MUC22: variants seen among roughly 807,000 people sequenced by gnomAD.
MUC22 encodes mucin-22.
MUC22 carries 24 observed loss-of-function variants against 40.3 expected under a neutral mutation model. The ratio of observed to expected loss-of-function variants is 0.60; its 90% CI spans 0.43 to 0.84. The LOEUF (loss-of-function observed/expected upper bound fraction) is 0.84. Ranked by LOEUF, MUC22 falls within the 40% of genes least tolerant of loss-of-function variation. MUC22 has a pLI of 0.00. For missense variants in MUC22, 1,926 were observed against 2,130.7 expected, an observed-to-expected ratio of 0.90 and a Z score of 1.89; for synonymous variants, 765 against 844.5, an observed-to-expected ratio of 0.91 and a Z score of 1.63.
chr6:31,021,095 T>A (rs895553296), intron 1 of MUC22, among the ~76,000 whole-genome samples: 8 of 152,208 alleles, frequency 5.3e-5, no homozygotes, highest in Non-Finnish European at 7.3e-5. Flanking sequence ...GCCCACGGGC[T>A]GAGGACTGTG....
exon 2 of MUC22, chr6:31,029,642 A>T: frequency 6.5e-6 from 10 of 1,535,390 alleles, no homozygotes; most frequent in Non-Finnish European, 8.7e-6. Context: ...ACAGTCTCTG[A>T]GACCACCACA....
chr6:31,015,889 G>A (rs1416120498), intron 1 of MUC22, among the ~76,000 whole-genome samples: 4 of 151,900 alleles, frequency 2.6e-5, no homozygotes, highest in African/African-American at 4.8e-5. Context: ...ATTGCCTCTC[G>A]TCCATTTTCT....
exon 2 of MUC22, chr6:31,025,993 G>A: frequency 6.5e-7 from 1 of 1,533,618 alleles, no homozygotes; most frequent in Non-Finnish European, 8.7e-7. Flanking sequence ...GACTGCCACA[G>A]TCTCTACCAC....
At chr6:31,035,307 A>G (rs946742145) in exon 4 of MUC22, 5 of 260,440 alleles carry the variant, frequency 1.9e-5, no homozygotes, top group Non-Finnish European at 2.9e-5. Flanking sequence ...ATCAGGGTCA[A>G]CGTTTCTCAT....
intron 1 of MUC22, 115 bp downstream of exon 1, chr6:31,010,891 AT>A (rs3084544): frequency 0.15 from 77,597 of 534,560 alleles, 1,355 homozygotes; most frequent in East Asian, 0.25. Context: ...ATGATGATTC[AT>A]TTTTTTTTTT....
Position 31,026,375 on chromosome 6 carries a change from C to T in MUC22, c.944C>T (p.Ser315Phe), listed in dbSNP as rs190548696. ...ACCACCATAGTCTCTATTTCAGGTT[C>T]TGAGATCACCACCACCTCTACGGCA... The change falls in exon 2 of 4, where the codon TCT becomes TTT. Residue 315 changes from serine to phenylalanine, a missense_variant. By Grantham distance (155) the Ser-to-Phe change is radical. Coordinates refer to ENST00000561890, the Ensembl canonical transcript of MUC22. 675 of 1,508,084 alleles carry T rather than the reference C, an allele frequency of 4.5e-4. 39 individuals are homozygous for T. In the African/African-American group the frequency reaches 8.4e-3, roughly 19 times the overall value. The allele number at this position is 1,508,084 out of a possible 1,614,324, so 93.4% of individuals were successfully genotyped here.
intron 3 of MUC22, among the ~76,000 whole-genome samples, chr6:31,033,900 T>A (rs956918625): frequency 1.7e-4 from 26 of 152,356 alleles, no homozygotes; most frequent in African/African-American, 5.0e-4. Flanking sequence ...TGTTTTAGAA[T>A]TCTCAGCCTC....
At chr6:31,026,039 C>G in exon 2 of MUC22, 1 of 1,530,776 alleles carries the variant, frequency 6.5e-7, no homozygotes, top group African/African-American at 1.4e-5. Context: ...ACTGCAAGCT[C>G]TGAGGCCACT....
Position 31,032,720 on chromosome 6 carries a change from T to C in MUC22, c.5055+139T>C. The C allele has an allele frequency of 1.1e-6, 1 of 934,142 alleles. No individual in the cohort carries two copies. The highest frequency in any genetic ancestry group is 1.6e-6 in the Non-Finnish European group (1 of 641,336). The allele number at this position is 934,142 out of a possible 1,614,324, so 57.9% of individuals were successfully genotyped here. The stretch of plus-strand genomic sequence containing the variant: ...AGAAGGAAAGAATCACCTAGCCTGA[T>C]ATAAGGACCAGAGAGAATGCTTAAG... On this transcript the variant is annotated intron_variant, in intron 3 of 3. Transcript: ENST00000561890. The surrounding 1 kb of genome is among the most constrained non-coding windows in gnomAD (Gnocchi z 4.1).
chr6:31,018,154 G>C (rs949589880), intron 1 of MUC22, among the ~76,000 whole-genome samples: 3 of 152,198 alleles, frequency 2.0e-5, no homozygotes, highest in Non-Finnish European at 4.4e-5. Flanking sequence ...TTTCACTCCT[G>C]CCTTCAGCAG....
At chr6:31,029,039 C>T in exon 2 of MUC22, 2 of 1,533,568 alleles carry the variant, frequency 1.3e-6, no homozygotes, top group Non-Finnish European at 1.7e-6. Flanking sequence ...ACCACAGGCT[C>T]TGAGACCATC....
chr6:31,028,186 T>C, exon 2 of MUC22: 1 of 1,533,508 alleles, frequency 6.5e-7, no homozygotes, highest in African/African-American at 1.4e-5. Context: ...GACCATCACC[T>C]CTACTGAAGG....
exon 2 of MUC22, chr6:31,028,035 C>T (rs1225051275): frequency 2.6e-6 from 4 of 1,533,112 alleles, no homozygotes; most frequent in Non-Finnish European, 3.5e-6. Flanking sequence ...CCACCTCAGC[C>T]TCTACTACAG....
chr6:31,009,362 C>T (rs930930887), upstream of MUC22, among the ~76,000 whole-genome samples: 22 of 152,280 alleles, frequency 1.4e-4, no homozygotes, highest in Non-Finnish European at 2.8e-4. Context: ...CCACCGCACC[C>T]GGCCAATTGT....
At chr6:31,035,245 G>A (rs1315798471) in exon 4 of MUC22, 2 of 369,676 alleles carry the variant, frequency 5.4e-6, no homozygotes, top group Non-Finnish European at 4.8e-6. Context: ...CCTCTGTTGT[G>A]GGGAGTCACG....
At position 31,031,463 on chromosome 6, in the gene MUC22, C is replaced by T. The variant is rs552653549; in HGVS notation, c.4670-733C>T. On this transcript the variant is annotated intron_variant, in intron 2 of 3. Coordinates refer to ENST00000561890, the Ensembl canonical transcript of MUC22. ...ATCACAGTCACAAAAGAAGCAGGGC[C>T]TGCCGCTTTGTATACCAGCCCACCC... Among the ~76,000 whole-genome samples, 9 of 152,312 alleles carry T rather than the reference C, an allele frequency of 5.9e-5. No individual in the cohort carries two copies. In the South Asian group the frequency reaches 1.9e-3, roughly 32 times the overall value.
At chr6:31,029,315 C>G in exon 2 of MUC22, 1 of 1,528,482 alleles carries the variant, frequency 6.5e-7, no homozygotes, top group Non-Finnish European at 8.8e-7. Flanking sequence ...GGTTCTGAGA[C>G]CACAGCAGTC....
chr6:31,023,189 G>T (rs1337470244), intron 1 of MUC22, among the ~76,000 whole-genome samples: 1 of 144,548 alleles, frequency 6.9e-6, no homozygotes, highest in Non-Finnish European at 1.5e-5. Flanking sequence ...GGCGAAAAAT[G>T]GAGGAAAAGG....
chr6:31,014,602 C>T (rs1764070604), intron 1 of MUC22, among the ~76,000 whole-genome samples: 1 of 152,138 alleles, frequency 6.6e-6, no homozygotes, highest in Non-Finnish European at 1.5e-5. Flanking sequence ...ACCTTATGCA[C>T]TGTTAGGGTA....
Sources: allele counts gnomAD v4.1 joint callset (sites outside exome capture counted in the v4.1 genomes callset), GRCh38; gene constraint gnomAD v4.1.1; non-coding constraint Gnocchi (gnomAD v3.1); transcripts MANE v1.5; gene names NCBI Gene and HGNC (gene_info 2026-07-23, HGNC 2026-07-21).